Variants in DNAH10 observed in about 807,000 individuals in gnomAD.
DNAH10 encodes the protein dynein axonemal heavy chain 10, also known as axonemal beta dynein heavy chain 10.
A neutral mutation model predicts 506.6 loss-of-function variants in DNAH10; 348 were observed. That is an observed-to-expected ratio of 0.69 (90% confidence interval 0.63 to 0.75). The LOEUF (loss-of-function observed/expected upper bound fraction) is 0.75. Ranked by LOEUF, DNAH10 falls within the 30% of genes least tolerant of loss-of-function variation. DNAH10 has a pLI of 0.00. For missense variants in DNAH10, 5,179 were observed against 5,787.1 expected, an observed-to-expected ratio of 0.89 and a Z score of 3.41; for synonymous variants, 2,059 against 2,198.6, an observed-to-expected ratio of 0.94 and a Z score of 1.78.
chr12:123,888,738 A>G (rs1952848593), intron 52 of DNAH10, among the ~76,000 whole-genome samples: 1 of 152,118 alleles, frequency 6.6e-6, no homozygotes, highest in African/African-American at 2.4e-5. Flanking sequence ...GATGCCACCT[A>G]CCTTATCCAA....
At position 123,909,449 on chromosome 12, in the gene DNAH10, G is replaced by A. The variant is rs2137381252; in HGVS notation, c.9997+7G>A. 6.4e-7 allele frequency: 1 copy of A among 1,561,994 alleles called. No homozygotes were observed. Among genetic ancestry groups the A allele is most frequent in the Non-Finnish European group, 8.7e-7 (1 of 1,151,148 alleles). ...CAAGTGAAAAACATCAAAGGTGAGT[G>A]TAGCCACGTGTGGGAATCGCCAGGG... On this transcript the variant is annotated splice_region_variant and intron_variant, in intron 58 of 78. Coordinates refer to ENST00000673944, the MANE Select transcript of DNAH10 (RefSeq NM_001372106.1). The surrounding 1 kb of genome is among the most constrained non-coding windows in gnomAD (Gnocchi z 5.4).
Position 123,925,293 on chromosome 12 carries a change from G to A in DNAH10, c.11921+89G>A. The A allele has an allele frequency of 6.3e-7, 1 of 1,575,608 alleles. No individual in the cohort carries two copies. The highest frequency in any genetic ancestry group is 1.1e-5 in the South Asian group (1 of 87,210). ...CTTGGACTCAAAGAAAGCAGAGGCT[G>A]ACCAGCTCCCGAGACAGCTGTCGCC... On this transcript the variant is annotated intron_variant, in intron 68 of 78. Transcript: ENST00000673944. The surrounding 1 kb of genome is among the most constrained non-coding windows in gnomAD (Gnocchi z 4.0).
rs1951235443 is a variant in DNAH10, at chr12:123,853,008, A to T, written c.6292-198A>T. On this transcript the variant is annotated intron_variant, in intron 35 of 78. Coordinates refer to ENST00000673944, the MANE Select transcript of DNAH10 (RefSeq NM_001372106.1). This position sits in a 1 kb window ranked among gnomAD's most constrained non-coding sequence, Gnocchi z 4.7. ...GGTAACACAGATGTTTCTTCAAATT[A>T]GTTCCCAATTTGCCATATTTAAAAA... Among the ~76,000 whole-genome samples, 1 of 152,186 alleles carries T rather than the reference A, an allele frequency of 6.6e-6. No homozygotes were observed. The highest frequency in any genetic ancestry group is 1.5e-5 in the Non-Finnish European group (1 of 68,038).
At position 123,864,692 on chromosome 12, in the gene DNAH10, C is replaced by CG; in HGVS notation, c.7007dup (p.Ile2337HisfsTer12). 1 of 1,613,910 alleles carries CG rather than the reference C, an allele frequency of 6.2e-7. No individual in the cohort carries two copies. Among genetic ancestry groups the CG allele is most frequent in the Non-Finnish European group, 8.5e-7 (1 of 1,179,854 alleles). ...GTTGTTGACATTGGCCAACGGGGAA[C>CG]GCATCCGGCTCCAAGCACACTGTGC... On this transcript the variant is annotated frameshift_variant, in exon 40 of 79. Transcript: ENST00000673944. LOFTEE classifies it high-confidence loss of function.
chr12:123,782,393 TC>T (rs1452328913), intron 6 of DNAH10, among the ~76,000 whole-genome samples: 2 of 130,206 alleles, frequency 1.5e-5, no homozygotes, highest in African/African-American at 3.0e-5. Flanking sequence ...TTCTTTTCTT[TC>T]CTTTCTTTCT....
chr12:123,869,738 G>A (rs1951952540), intron 43 of DNAH10, among the ~76,000 whole-genome samples: 1 of 152,156 alleles, frequency 6.6e-6, no homozygotes, highest in South Asian at 2.1e-4. Context: ...CGCTCCATCT[G>A]AGTTTATCTC....
chr12:123,816,325 C>T (rs557015602), intron 21 of DNAH10, among the ~76,000 whole-genome samples: 2,882 of 152,256 alleles, frequency 0.019, 44 homozygotes, highest in Middle Eastern at 0.041. Flanking sequence ...AGGCGCCCAT[C>T]TTTGCCACCC....
At chr12:123,876,113 C>T (rs1952245367) in intron 47 of DNAH10, among the ~76,000 whole-genome samples, 2 of 152,164 alleles carry the variant, frequency 1.3e-5, no homozygotes, top group Admixed American at 6.5e-5. Context: ...GGAGTCTGCA[C>T]ACTCGGAGGC....
At chr12:123,887,609 A>T (rs1025615332) in intron 52 of DNAH10, among the ~76,000 whole-genome samples, 1 of 152,142 alleles carries the variant, frequency 6.6e-6, no homozygotes, top group East Asian at 1.9e-4. Flanking sequence ...AGTGTGCATC[A>T]TACATTCCCG....
At chr12:123,863,938 G>A (rs1951701089) in intron 39 of DNAH10, among the ~76,000 whole-genome samples, 1 of 152,208 alleles carries the variant, frequency 6.6e-6, no homozygotes, top group Non-Finnish European at 1.5e-5. Flanking sequence ...AGAGAAGAAT[G>A]AGGTAGGAGT....
chr12:123,773,875 T>C (rs1045551828), intron 4 of DNAH10, among the ~76,000 whole-genome samples: 10 of 152,252 alleles, frequency 6.6e-5, no homozygotes, highest in Non-Finnish European at 1.5e-5. Context: ...TCTGATTTTG[T>C]CCAGCGTTAG....
At chr12:123,910,474 C>T in intron 58 of DNAH10, 62 bp from the exon 59 acceptor site, 1 of 1,574,768 alleles carries the variant, frequency 6.4e-7, no homozygotes, top group Non-Finnish European at 8.6e-7. Context: ...CTTATTTTGT[C>T]TATTTTATGC....
chr12:123,831,196 A>G (rs1296265796), intron 26 of DNAH10, among the ~76,000 whole-genome samples: 1 of 146,228 alleles, frequency 6.8e-6, no homozygotes, highest in Non-Finnish European at 1.5e-5. Context: ...TCATAATCCC[A>G]CTACCTGAAA....
chr12:123,857,266 C>T lies in DNAH10; in HGVS notation c.6630+19C>T, dbSNP rs749839747. On this transcript the variant is annotated intron_variant, in intron 37 of 78. Transcript: ENST00000673944. ...CATCCAGGTAAAGCCAGGAAAATGA[C>T]CTCACTGTGGCCGTGCATCCTTTCC... The T allele has an allele frequency of 3.3e-6, 5 of 1,531,640 alleles. No homozygotes were observed. The Admixed American group carries it at 5.9e-5, about 18-fold the overall frequency. 94.9% of individuals were successfully genotyped at this position (1,531,640 alleles called of 1,614,324 possible).
At chr12:123,897,359 C>T (rs1953299804) in intron 54 of DNAH10, among the ~76,000 whole-genome samples, 1 of 152,162 alleles carries the variant, frequency 6.6e-6, no homozygotes, top group Admixed American at 6.5e-5. Context: ...GGGGTATATA[C>T]CTAGGAGTGG....
Position 123,887,327 on chromosome 12 carries a change from T to G in DNAH10, c.8995+14T>G. On this transcript the variant is annotated intron_variant, in intron 52 of 78. Coordinates refer to ENST00000673944, the MANE Select transcript of DNAH10 (RefSeq NM_001372106.1). Reference sequence around the variant, plus strand: ...TGCTGACCTCAGGTACAGCCAAGGCTGGCGCCCGCTGTGGCCAACACCCCG... The same window carrying G: ...TGCTGACCTCAGGTACAGCCAAGGCGGGCGCCCGCTGTGGCCAACACCCCG... 6.2e-7 allele frequency: 1 copy of G among 1,609,670 alleles called. No individual in the cohort carries two copies. The highest frequency in any genetic ancestry group is 1.7e-5 in the Admixed American group (1 of 59,462).
chr12:123,798,506 C>T (rs921628386), intron 13 of DNAH10, among the ~76,000 whole-genome samples: 1 of 152,162 alleles, frequency 6.6e-6, no homozygotes, highest in African/African-American at 2.4e-5. Flanking sequence ...CACGAGAATT[C>T]CGCCTTCGTG....
At position 123,934,730 on chromosome 12, in the gene DNAH10, G is replaced by A. The variant is rs1382506005; in HGVS notation, c.13587G>A (p.Lys4529=). Residue 4529 remains lysine, a synonymous_variant, in exon 78 of 79, where the codon AAG becomes AAA. Transcript: ENST00000673944. ...TGGTTGTGGACCTGCCGATCCTGAAGATCATCCCCATTGAAGCCCATCGCC... is the reference window on the plus strand; with the variant it reads ...TGGTTGTGGACCTGCCGATCCTGAAAATCATCCCCATTGAAGCCCATCGCC... ...KVLVVDLPIL[K]IIPIEAHRLK... 4 of 1,613,948 alleles carry A rather than the reference G, an allele frequency of 2.5e-6. No individual in the cohort carries two copies. Among genetic ancestry groups the A allele is most frequent in the African/African-American group, 1.3e-5 (1 of 75,046 alleles).
At position 123,925,113 on chromosome 12, in the gene DNAH10, C is replaced by G. The variant is rs372584178; in HGVS notation, c.11830C>G (p.Pro3944Ala). ...CTTGGGTTACGATAACAACATCACC[C>G]CTTTCCAGAAGTTGCTTATTTTGCG... ...VPLGYDNNIT[P>A]FQKLLILRCF... Residue 3944 changes from proline to alanine, a missense_variant, in exon 68 of 79, where the codon CCT (proline) becomes GCT (alanine). By Grantham distance (27) the Pro-to-Ala change is conservative. Transcript: ENST00000673944. This position sits in a 1 kb window ranked among gnomAD's most constrained non-coding sequence, Gnocchi z 4.0. The G allele has an allele frequency of 4.0e-5, 64 of 1,614,004 alleles. 1 individual carries two copies. The highest frequency in any genetic ancestry group is 3.6e-4 in the African/African-American group (27 of 75,050).
Sources: allele counts gnomAD v4.1 joint callset (sites outside exome capture counted in the v4.1 genomes callset), GRCh38; gene constraint gnomAD v4.1.1; non-coding constraint Gnocchi (gnomAD v3.1); transcripts MANE v1.5; gene names NCBI Gene and HGNC (gene_info 2026-07-23, HGNC 2026-07-21).